Variants in PDE9A observed in about 807,000 individuals in gnomAD.
PDE9A encodes phosphodiesterase 9A, also known as high affinity cGMP-specific 3',5'-cyclic phosphodiesterase 9A.
A neutral mutation model predicts 87.4 loss-of-function variants in PDE9A; 60 were observed. The ratio of observed to expected loss-of-function variants is 0.69; its 90% CI spans 0.56 to 0.85. PDE9A has a LOEUF of 0.85. Among genes scored for constraint, PDE9A ranks in the 40% least tolerant of loss-of-function variants. PDE9A has a pLI of 0.00. For missense variants in PDE9A, 665 were observed against 779.0 expected, an observed-to-expected ratio of 0.85 and a Z score of 1.74; for synonymous variants, 272 against 279.4, an observed-to-expected ratio of 0.97 and a Z score of 0.27.
intron 1 of PDE9A, among the ~76,000 whole-genome samples, chr21:42,655,785 CAGGG>C (rs2057013786): frequency 6.6e-6 from 1 of 152,190 alleles, no homozygotes; most frequent in Non-Finnish European, 1.5e-5. Flanking sequence ...GTGGTGCAAA[CAGGG>C]AGGCGCCAGA....
intron 1 of PDE9A, among the ~76,000 whole-genome samples, chr21:42,655,152 ACACACACG>A (rs2145750227): frequency 6.6e-6 from 1 of 151,600 alleles, no homozygotes; most frequent in Admixed American, 6.5e-5. Flanking sequence ...ACTCACAAAC[ACACACACG>A]CACACACGTG....
chr21:42,737,184 G>A (rs1252440872), intron 7 of PDE9A, among the ~76,000 whole-genome samples: 2 of 152,200 alleles, frequency 1.3e-5, no homozygotes, highest in Non-Finnish European at 2.9e-5. Context: ...AGCCTGGTCC[G>A]ACACCCCGAT....
At chr21:42,728,180 G>A (rs78713014) in intron 4 of PDE9A, among the ~76,000 whole-genome samples, 4,137 of 152,282 alleles carry the variant, frequency 0.027, 165 homozygotes, top group Admixed American at 0.11. Flanking sequence ...ATGATGTAGC[G>A]TGTACGGGAG....
intron 1 of PDE9A, among the ~76,000 whole-genome samples, chr21:42,673,058 G>A (rs371142812): frequency 2.3e-4 from 35 of 152,184 alleles, no homozygotes; most frequent in Non-Finnish European, 4.0e-4. Context: ...GCCACTCAAC[G>A]GAGTAAGTAA....
At chr21:42,657,231 A>G (rs903021631) in intron 1 of PDE9A, among the ~76,000 whole-genome samples, 59 of 152,364 alleles carry the variant, frequency 3.9e-4, no homozygotes, top group African/African-American at 1.4e-3. Context: ...AGCCAGCAGC[A>G]TCTGCACCGG....
At chr21:42,682,611 T>C (rs1239905017) in intron 1 of PDE9A, among the ~76,000 whole-genome samples, 1 of 152,246 alleles carries the variant, frequency 6.6e-6, no homozygotes. Context: ...GCAGTACTTA[T>C]AAATTTGATG....
intron 4 of PDE9A, among the ~76,000 whole-genome samples, chr21:42,703,974 G>C (rs529588024): frequency 1.3e-5 from 2 of 152,368 alleles, no homozygotes; most frequent in South Asian, 4.1e-4. Context: ...TCTCTACAGA[G>C]GGCTGGGGTT....
At chr21:42,688,022 G>T (rs2059574543) in intron 3 of PDE9A, 28 bp downstream of exon 3, 1 of 1,582,196 alleles carries the variant, frequency 6.3e-7, no homozygotes. Flanking sequence ...CGCTCCTCGG[G>T]GTGTGCCTGG....
chr21:42,694,068 T>C lies in PDE9A; in HGVS notation c.219-4900T>C, dbSNP rs557761091. 1.9e-4 allele frequency among the ~76,000 whole-genome samples: 29 copies of C among 152,266 alleles called. No individual in the cohort carries two copies. In the South Asian group the frequency reaches 5.8e-3, roughly 30 times the overall value. ...GAAACCACTCTACCCCACCCTCTGGTGACCAGAAGCTTATGTCTACCAGAC... is the reference window on the plus strand; with the variant it reads ...GAAACCACTCTACCCCACCCTCTGGCGACCAGAAGCTTATGTCTACCAGAC... On this transcript the variant is annotated intron_variant, in intron 3 of 19. Transcript: ENST00000291539. The surrounding 1 kb of genome is among the most constrained non-coding windows in gnomAD (Gnocchi z 5.3).
intron 17 of PDE9A, among the ~76,000 whole-genome samples, chr21:42,769,742 A>ACG: frequency 6.8e-6 from 1 of 146,112 alleles, no homozygotes; most frequent in Non-Finnish European, 1.6e-5. Flanking sequence ...AGAGGCACAC[A>ACG]CATGCACACA....
chr21:42,763,040 T>C (rs2055982831), intron 14 of PDE9A, among the ~76,000 whole-genome samples: 1 of 152,080 alleles, frequency 6.6e-6, no homozygotes, highest in African/African-American at 2.4e-5. Context: ...CAGGGCGTGA[T>C]GGGAGGAGAG....
chr21:42,726,936 A>C (rs937320257), intron 4 of PDE9A, among the ~76,000 whole-genome samples: 1 of 151,686 alleles, frequency 6.6e-6, no homozygotes, highest in African/African-American at 2.4e-5. Flanking sequence ...AGTACCTCAC[A>C]GTCTTGATTA....
intron 1 of PDE9A, among the ~76,000 whole-genome samples, chr21:42,685,379 TCCTCAA>T (rs2059398100): frequency 6.6e-6 from 1 of 152,162 alleles, no homozygotes; most frequent in African/African-American, 2.4e-5. Context: ...GCGCCCAGGA[TCCTCAA>T]CGGTTCTGTT....
At chr21:42,761,546 G>A (rs1327932934) in intron 13 of PDE9A, among the ~76,000 whole-genome samples, 3 of 152,242 alleles carry the variant, frequency 2.0e-5, no homozygotes, top group Admixed American at 2.0e-4. Flanking sequence ...GTTGAACTGT[G>A]TGTTTGTGTG....
chr21:42,726,605 TATATATATATATA>T (rs2051080715), intron 4 of PDE9A, among the ~76,000 whole-genome samples: 3 of 17,030 alleles, frequency 1.8e-4, no homozygotes, highest in African/African-American at 1.3e-3. Flanking sequence ...TATATATATA[TATATATATATATA>T]TATATATTTT....
At chr21:42,663,023 A>G (rs1238244645) in intron 1 of PDE9A, among the ~76,000 whole-genome samples, 3 of 148,464 alleles carry the variant, frequency 2.0e-5, no homozygotes, top group African/African-American at 7.6e-5. Flanking sequence ...ACACACGCAC[A>G]TATCACACAC....
intron 10 of PDE9A, among the ~76,000 whole-genome samples, chr21:42,755,722 T>G (rs1379438926): frequency 6.6e-6 from 1 of 152,058 alleles, no homozygotes; most frequent in Non-Finnish European, 1.5e-5. Context: ...ACACAGCAAG[T>G]AGACACCGCA....
intron 9 of PDE9A, among the ~76,000 whole-genome samples, chr21:42,751,945 T>G (rs1274706228): frequency 6.6e-6 from 1 of 152,040 alleles, no homozygotes; most frequent in East Asian, 1.9e-4. Context: ...GAGACAGGGT[T>G]TCACCATGTT....
At chr21:42,699,498 C>T (rs2060325844) in intron 4 of PDE9A, among the ~76,000 whole-genome samples, 1 of 152,162 alleles carries the variant, frequency 6.6e-6, no homozygotes, top group Admixed American at 6.5e-5. Context: ...CCTGGGATGC[C>T]TTGGGGTGCC....
Sources: allele counts gnomAD v4.1 joint callset (sites outside exome capture counted in the v4.1 genomes callset), GRCh38; gene constraint gnomAD v4.1.1; non-coding constraint Gnocchi (gnomAD v3.1); transcripts MANE v1.5; gene names NCBI Gene and HGNC (gene_info 2026-07-23, HGNC 2026-07-21).